Variants in ARMCX4 observed in about 807,000 individuals in gnomAD.
ARMCX4 encodes armadillo repeat-containing X-linked protein 4.
Under a neutral mutation model 34.7 loss-of-function variants are expected in ARMCX4, and 3 were observed. The ratio of observed to expected loss-of-function variants is 0.09; its 90% CI spans 0.04 to 0.22. ARMCX4 has a LOEUF of 0.22. Ranked by LOEUF, ARMCX4 falls within the 10% of genes least tolerant of loss-of-function variation. The pLI is 1.00. For missense variants in ARMCX4, 1,448 were observed against 1,720.8 expected (o/e 0.84, Z 2.81); for synonymous variants, 513 against 632.8 (o/e 0.81, Z 2.84).
intron 4 of ARMCX4, among the ~76,000 whole-genome samples, chrX:101,454,195 C>G (rs979064549): frequency 9.2e-6 from 1 of 108,228 alleles, no homozygotes; most frequent in Non-Finnish European, 1.9e-5. Flanking sequence ...AATCAGTTCT[C>G]TGAAAAAAAT....
chrX:101,468,318 T>G (rs2063684672), intron 4 of ARMCX4, among the ~76,000 whole-genome samples: 1 of 109,845 alleles, frequency 9.1e-6, no homozygotes, highest in South Asian at 3.9e-4. Flanking sequence ...TGAGACAGGG[T>G]CTCATTCTGT....
At chrX:101,486,734 C>T in intron 2 of ARMCX4, among the ~76,000 whole-genome samples, 1 of 110,439 alleles carries the variant, frequency 9.1e-6, no homozygotes, top group Admixed American at 9.7e-5. Flanking sequence ...TCAAGACCAG[C>T]CTGGGCAACA....
downstream of ARMCX4, chrX:101,498,361 A>T (rs1934227429): frequency 9.4e-6 from 2 of 212,729 alleles, no homozygotes; most frequent in East Asian, 2.7e-4. Context: ...CTCTGGAATA[A>T]GGTAGCAGAG....
intron 4 of ARMCX4, among the ~76,000 whole-genome samples, chrX:101,456,600 G>C (rs1475884321): frequency 1.8e-5 from 2 of 111,154 alleles, no homozygotes; most frequent in African/African-American, 6.5e-5. Flanking sequence ...AAATAGAGTG[G>C]TAATGAATTG....
rs782666805 is a variant in ARMCX4, at chrX:101,490,232, C to T, written c.1643C>T (p.Thr548Ile). ...CCTGGGATGGACATGAAAACCTGTA[C>T]ACAACCTCAGGCTGGGGTCAAGACC... ...TGPGMDMKTC[T>I]QPQAGVKTPA... is the part of the protein sequence containing the mutation. The change falls in exon 6 of 6, where the codon ACA (threonine) becomes ATA (isoleucine). Residue 548 changes from threonine (T) to isoleucine (I), a missense_variant. Transcript: ENST00000423738. The T allele has an allele frequency of 4.9e-5, 56 of 1,153,469 alleles. No individual in the cohort carries two copies. Among genetic ancestry groups the T allele is most frequent in the East Asian group, 3.6e-4 (11 of 30,633 alleles).
At chrX:101,425,596 T>C (rs969819249) in intron 2 of ARMCX4, among the ~76,000 whole-genome samples, 13 of 109,917 alleles carry the variant, frequency 1.2e-4, no homozygotes, top group South Asian at 1.2e-3. Flanking sequence ...GGTTTCACCA[T>C]GTTAGCCAGG....
At chrX:101,465,944 T>C (rs1603175131) in intron 4 of ARMCX4, among the ~76,000 whole-genome samples, 1 of 110,812 alleles carries the variant, frequency 9.0e-6, no homozygotes, top group Admixed American at 9.6e-5. Context: ...TGATCTTGTG[T>C]TTGGCAAACT....
At chrX:101,429,119 C>G (rs1555991512) in intron 2 of ARMCX4, among the ~76,000 whole-genome samples, 5 of 110,427 alleles carry the variant, frequency 4.5e-5, no homozygotes, top group African/African-American at 6.6e-5. Context: ...CTCAGCCTCC[C>G]AAATTGCTGG....
At chrX:101,526,328 T>A (rs1365497610) in intron 11 of ARMCX4, among the ~76,000 whole-genome samples, 3 of 111,615 alleles carry the variant, frequency 2.7e-5, no homozygotes, top group Non-Finnish European at 5.6e-5. Flanking sequence ...GAGCTCCTGA[T>A]GGAAGCACTA....
chrX:101,445,077 A>G (rs1931543499), intron 3 of ARMCX4, among the ~76,000 whole-genome samples: 1 of 112,228 alleles, frequency 8.9e-6, no homozygotes, highest in Non-Finnish European at 1.9e-5. Context: ...AATTTTAGAA[A>G]GTAAGACATG....
At chrX:101,477,536 A>G (rs1276230422) in intron 4 of ARMCX4, among the ~76,000 whole-genome samples, 1 of 108,384 alleles carries the variant, frequency 9.2e-6, no homozygotes, top group Non-Finnish European at 1.9e-5. Context: ...TATTTTTAGA[A>G]AAGTTCTTCC....
chrX:101,528,196 C>T (rs190027182), intron 11 of ARMCX4, among the ~76,000 whole-genome samples: 5 of 111,832 alleles, frequency 4.5e-5, no homozygotes, highest in African/African-American at 6.5e-5. Flanking sequence ...AATCAATAAA[C>T]GTAATCCATC....
chrX:101,440,440 G>T (rs181315975), intron 2 of ARMCX4, among the ~76,000 whole-genome samples: 8 of 112,291 alleles, frequency 7.1e-5, no homozygotes, highest in Non-Finnish European at 1.3e-4. Flanking sequence ...CCCACTTGAG[G>T]AGGCAGTCTG....
chrX:101,504,641 C>T (rs928525230), intron 7 of ARMCX4, among the ~76,000 whole-genome samples: 20 of 110,953 alleles, frequency 1.8e-4, no homozygotes, highest in East Asian at 5.7e-4. Context: ...ACTCTGGCCC[C>T]GGGTCCCCAG....
Position 101,461,723 on chromosome X carries a change from C to G in ARMCX4, c.-473+15679C>G, listed in dbSNP as rs782551445. Among the ~76,000 whole-genome samples, 26 of 111,869 alleles carry G rather than the reference C, an allele frequency of 2.3e-4. No individual in the cohort carries two copies. In the East Asian group the frequency reaches 5.6e-3, roughly 24 times the overall value. ...TCTCCACATCCTCACCAACACTTAA[C>G]TATTTTCTCCCTCTCTTTTTTTTTA... On this transcript the variant is annotated intron_variant and NMD_transcript_variant, in intron 4 of 15. Transcript: ENST00000433011.
At chrX:101,449,495 C>A (rs1555998701), downstream of ARMCX4, among the ~76,000 whole-genome samples, 1 of 112,165 alleles carries the variant, frequency 8.9e-6, no homozygotes, top group Non-Finnish European at 1.9e-5. Flanking sequence ...TATTAAGGGA[C>A]TCTGATGTAT....
rs1386297488 is a variant in ARMCX4, at chrX:101,523,274, GA to G, written c.*1781-8368del. On this transcript the variant is annotated intron_variant and NMD_transcript_variant, in intron 11 of 12. Coordinates refer to the ARMCX4 transcript ENST00000354842. The stretch of plus-strand genomic sequence containing the variant: ...CAGTATCATCCCTGGAAGTCTAGAA[GA>G]ATGTGTGTATGCCCAAGGCTATGCC... Among the ~76,000 whole-genome samples, 3 of 111,927 alleles carry G rather than the reference GA, an allele frequency of 2.7e-5. No homozygotes were observed. The Admixed American group carries it at 2.9e-4, about 11-fold the overall frequency.
chrX:101,463,206 C>G (rs1313924672), intron 4 of ARMCX4, among the ~76,000 whole-genome samples: 1 of 111,839 alleles, frequency 8.9e-6, no homozygotes, highest in Non-Finnish European at 1.9e-5. Context: ...AATCAGGCCA[C>G]TTTACATACA....
intron 10 of ARMCX4, among the ~76,000 whole-genome samples, chrX:101,510,265 A>G (rs1934548309): frequency 1.8e-5 from 2 of 112,130 alleles, no homozygotes; most frequent in Admixed American, 1.9e-4. Context: ...TTTACTTAAC[A>G]ATATATCACG....
Sources: allele counts gnomAD v4.1 joint callset (sites outside exome capture counted in the v4.1 genomes callset), GRCh38; gene constraint gnomAD v4.1.1; transcripts MANE v1.5; gene names NCBI Gene and HGNC (gene_info 2026-07-23, HGNC 2026-07-21).